The following LIN54 variants were observed in gnomAD, a reference collection of about 807,000 sequenced individuals.
LIN54 encodes lin-54 DREAM MuvB core complex component, also known as protein lin-54 homolog.
A neutral mutation model predicts 78.7 loss-of-function variants in LIN54; 9 were observed. The ratio of observed to expected loss-of-function variants is 0.11; its 90% confidence interval spans 0.07 to 0.20. LIN54 has a LOEUF of 0.20. Ranked by LOEUF, LIN54 falls within the 10% of genes least tolerant of loss-of-function variation. The pLI, the probability that LIN54 is intolerant of heterozygous loss-of-function variation, is 1.00. For missense variants in LIN54, 573 were observed against 889.9 expected (o/e 0.64, Z 4.53); for synonymous variants, 269 against 318.4 (o/e 0.84, Z 1.65).
At chr4:83,008,876 G>A (rs1461755997) in intron 1 of LIN54, among the ~76,000 whole-genome samples, 1 of 152,140 alleles carries the variant, frequency 6.6e-6, no homozygotes, top group African/African-American at 2.4e-5. Flanking sequence ...AGCCCTCTGT[G>A]ATTAAAAGAA....
intron 4 of LIN54, among the ~76,000 whole-genome samples, chr4:82,947,227 A>ATT (rs1425401118): frequency 1.7e-4 from 4 of 22,884 alleles, no homozygotes; most frequent in African/African-American, 6.1e-4. Context: ...ATATATATAT[A>ATT]TATATATATT....
chr4:82,962,648 A>T (rs888250010), intron 4 of LIN54, among the ~76,000 whole-genome samples: 5 of 152,108 alleles, frequency 3.3e-5, no homozygotes, highest in Non-Finnish European at 5.9e-5. Flanking sequence ...CATAAATAAA[A>T]AAAGGGCCAA....
chr4:82,970,786 G>C (rs948350464), intron 3 of LIN54, among the ~76,000 whole-genome samples: 5 of 152,204 alleles, frequency 3.3e-5, no homozygotes, highest in African/African-American at 9.7e-5. Context: ...CACAGCTCCT[G>C]AAAGTCAGAA....
At chr4:83,004,978 T>C (rs1729224460) in intron 1 of LIN54, among the ~76,000 whole-genome samples, 1 of 152,200 alleles carries the variant, frequency 6.6e-6, no homozygotes, top group Non-Finnish European at 1.5e-5. Context: ...CTCTGCAACC[T>C]CTGCCTCCCA....
At chr4:82,997,307 A>C (rs576012052) in intron 1 of LIN54, among the ~76,000 whole-genome samples, 2 of 152,146 alleles carry the variant, frequency 1.3e-5, no homozygotes, top group African/African-American at 4.8e-5. Flanking sequence ...CCATATTGTC[A>C]TAAGGTACAC....
intron 1 of LIN54, among the ~76,000 whole-genome samples, chr4:82,998,918 T>G (rs942782495): frequency 1.3e-5 from 2 of 152,180 alleles, no homozygotes; most frequent in African/African-American, 4.8e-5. Flanking sequence ...GTATAAAAAC[T>G]TATCCACACA....
chr4:83,012,744 T>A (rs1228095989), upstream of LIN54: 3 of 149,668 alleles, frequency 2.0e-5, no homozygotes, highest in Non-Finnish European at 3.0e-5. Context: ...CGGTTCCCCC[T>A]TCCCGCCAGC....
intron 5 of LIN54, among the ~76,000 whole-genome samples, chr4:82,942,379 A>G (rs1355531983): frequency 6.6e-6 from 1 of 152,182 alleles, no homozygotes; most frequent in Non-Finnish European, 1.5e-5. Flanking sequence ...TATGCTTTGA[A>G]AGGGTGAACT....
upstream of LIN54, chr4:83,012,797 C>CCGG (rs1447389275): frequency 6.6e-6 from 1 of 151,776 alleles, no homozygotes; most frequent in African/African-American, 2.4e-5. Context: ...CTCACCAAAG[C>CCGG]CGGCGGCGCC....
intron 1 of LIN54, among the ~76,000 whole-genome samples, chr4:83,008,702 C>G (rs1407481420): frequency 1.3e-5 from 2 of 152,104 alleles, no homozygotes; most frequent in African/African-American, 4.8e-5. Flanking sequence ...TAGTGAAAAT[C>G]TATAATACTC....
intron 2 of LIN54, among the ~76,000 whole-genome samples, chr4:82,982,450 G>A (rs1482361904): frequency 2.0e-5 from 3 of 152,044 alleles, no homozygotes; most frequent in Admixed American, 6.6e-5. Flanking sequence ...GGCTGGTCTC[G>A]AACTCCTGGC....
At chr4:82,998,186 T>G (rs986465951) in intron 1 of LIN54, among the ~76,000 whole-genome samples, 1 of 151,756 alleles carries the variant, frequency 6.6e-6, no homozygotes, top group Admixed American at 6.6e-5. Flanking sequence ...TTTTCATTCT[T>G]GTACATAAAG....
Position 82,930,926 on chromosome 4 carries a change from T to C in LIN54, c.2048+17A>G. 1 of 1,610,102 alleles carries C rather than the reference T, an allele frequency of 6.2e-7. No homozygotes were observed. On this transcript the variant is annotated intron_variant, in intron 12 of 12. Coordinates refer to ENST00000340417, the MANE Select transcript of LIN54 (RefSeq NM_194282.4). ...GTATTTGGGAAGTACTATAAAAAGATTAAAATACTGACTTACTTTCCGCCT... is the reference window on the plus strand; with the variant it reads ...GTATTTGGGAAGTACTATAAAAAGACTAAAATACTGACTTACTTTCCGCCT...
intron 3 of LIN54, 41 bp from the exon 4 acceptor site, chr4:82,970,510 T>C (rs1334830378): frequency 7.7e-6 from 12 of 1,567,168 alleles, no homozygotes; most frequent in Non-Finnish European, 9.5e-6. Context: ...CTTTTTTCAA[T>C]AATAGTATAA....
At chr4:82,972,675 A>G (rs557863480) in intron 3 of LIN54, among the ~76,000 whole-genome samples, 23 of 152,324 alleles carry the variant, frequency 1.5e-4, no homozygotes, top group Admixed American at 5.9e-4. Flanking sequence ...TAGGAATTAC[A>G]TATCTTTCAA....
rs998619107 is a variant in LIN54 at position 82,926,086 on chromosome 4, G to A, written c.*2016C>T. 1.3e-5 allele frequency: 2 copies of A among 152,414 alleles called. No individual in the cohort carries two copies. The highest frequency in any genetic ancestry group is 2.4e-5 in the African/African-American group (1 of 41,386). 9.4% of individuals were successfully genotyped at this position (152,414 alleles called of 1,614,324 possible). ...AAATTTTTTTACAAGCAAAACATTC[G>A]TAAGCAATGCCATCATACATAATCT... On this transcript the variant is annotated 3_prime_UTR_variant, in exon 13 of 13. Coordinates refer to ENST00000340417, the MANE Select transcript of LIN54 (RefSeq NM_194282.4).
chr4:82,950,718 ATTTCT>A (rs1246899260), intron 4 of LIN54, among the ~76,000 whole-genome samples: 5 of 152,112 alleles, frequency 3.3e-5, no homozygotes, highest in Non-Finnish European at 7.4e-5. Flanking sequence ...CTTGCAAGAC[ATTTCT>A]TTTTGTACTA....
At chr4:82,986,015 A>T (rs1026605703) in intron 1 of LIN54, among the ~76,000 whole-genome samples, 3 of 152,254 alleles carry the variant, frequency 2.0e-5, no homozygotes, top group Non-Finnish European at 2.9e-5. Flanking sequence ...ATCTTCATGT[A>T]TAAAAGACAG....
At chr4:82,994,240 G>A (rs1727996543) in intron 1 of LIN54, among the ~76,000 whole-genome samples, 1 of 151,972 alleles carries the variant, frequency 6.6e-6, no homozygotes. Flanking sequence ...CAAGCACTTG[G>A]AGATTTTCTA....
Sources: allele counts gnomAD v4.1 joint callset (sites outside exome capture counted in the v4.1 genomes callset), GRCh38; gene constraint gnomAD v4.1.1; transcripts MANE v1.5; gene names NCBI Gene and HGNC (gene_info 2026-07-23, HGNC 2026-07-21).